TMEM71: variants seen among roughly 807,000 people sequenced by gnomAD.
TMEM71 encodes transmembrane protein 71.
TMEM71 carries 44 observed loss-of-function variants against 38.0 expected under a neutral mutation model. The ratio of observed to expected loss-of-function variants is 1.16; its 90% CI spans 0.91 to 1.49. The LOEUF is 1.49. TMEM71 is among the 40% of genes most tolerant of loss of function. The pLI, the probability that TMEM71 is intolerant of heterozygous loss-of-function variation, is 0.00. For synonymous variants in TMEM71, 133 were observed against 122.5 expected (o/e 1.09, Z -0.56); for missense variants, 367 against 348.6 (o/e 1.05, Z -0.42).
At chr8:132,711,390 C>A (rs941190515) in intron 9 of TMEM71, among the ~76,000 whole-genome samples, 1 of 152,092 alleles carries the variant, frequency 6.6e-6, no homozygotes, top group Non-Finnish European at 1.5e-5. Flanking sequence ...AAGAAAATGG[C>A]TCAAAAGAAT....
chr8:132,768,139 C>T, the TMEM71 span, among the ~76,000 whole-genome samples: 1 of 152,152 alleles, frequency 6.6e-6, no homozygotes, highest in African/African-American at 2.4e-5. Context: ...ACCTCAATTT[C>T]CTTGTAATAA....
intron 5 of TMEM71, among the ~76,000 whole-genome samples, chr8:132,743,194 A>AG (rs55932349): frequency 1 from 152,233 of 152,234 alleles, 76,116 homozygotes; most frequent in Non-Finnish European, 1. Flanking sequence ...GGGGAAGAAG[A>AG]GCCGCAGGGA....
chr8:132,716,165 C>T (rs1431135321), intron 7 of TMEM71, among the ~76,000 whole-genome samples: 3 of 152,240 alleles, frequency 2.0e-5, no homozygotes, highest in Non-Finnish European at 2.9e-5. Context: ...GGAAGCCCCC[C>T]TGTGCCTGCA....
At chr8:132,715,692 A>G (rs944532525) in intron 7 of TMEM71, among the ~76,000 whole-genome samples, 2 of 152,186 alleles carry the variant, frequency 1.3e-5, no homozygotes, top group Non-Finnish European at 1.5e-5. Context: ...ACACCCTTCA[A>G]TAGGTGAATG....
At chr8:132,748,203 A>G (rs907457963) in intron 4 of TMEM71, among the ~76,000 whole-genome samples, 2 of 152,248 alleles carry the variant, frequency 1.3e-5, no homozygotes, top group Non-Finnish European at 2.9e-5. Flanking sequence ...TATAGCTGCT[A>G]TCAGAAGATG....
At chr8:132,766,686 G>T in the TMEM71 span, among the ~76,000 whole-genome samples, 1 of 151,738 alleles carries the variant, frequency 6.6e-6, no homozygotes, top group Non-Finnish European at 1.5e-5. Flanking sequence ...AACTACTCAG[G>T]AGGCTGAGGC....
chr8:132,716,572 A>T (rs1826546731), intron 7 of TMEM71, among the ~76,000 whole-genome samples: 1 of 152,204 alleles, frequency 6.6e-6, no homozygotes, highest in African/African-American at 2.4e-5. Flanking sequence ...TAATCTAGAG[A>T]TGATTTAAAC....
In TMEM71 at chr8:132,746,985, C is replaced by T. The variant is rs1828426800; in HGVS notation, c.444G>A (p.Leu148=). ...INSSPSEDNW[L]KGTRRLDTDH... ...CTGTGTCCAACCTCCTGGTCCCCTT[C>T]AACCAGTTGTCTTCACTTGGAGAAG... The change falls in exon 5 of 10, where the codon TTG becomes TTA. Residue 148 remains leucine (L), a synonymous_variant. Coordinates refer to ENST00000677595, the MANE Select transcript of TMEM71 (RefSeq NM_001382403.1). The T allele has an allele frequency of 8.7e-6, 14 of 1,613,164 alleles. No individual in the cohort carries two copies. Among genetic ancestry groups the T allele is most frequent in the Non-Finnish European group, 1.2e-5 (14 of 1,179,712 alleles).
chr8:132,764,566 C>A (rs951617009), upstream of TMEM71, among the ~76,000 whole-genome samples: 1 of 152,204 alleles, frequency 6.6e-6, no homozygotes, highest in African/African-American at 2.4e-5. Flanking sequence ...CCTCAACAGG[C>A]CCCATCTGTC....
At chr8:132,748,293 A>G (rs1828504318) in intron 4 of TMEM71, among the ~76,000 whole-genome samples, 1 of 152,222 alleles carries the variant, frequency 6.6e-6, no homozygotes, top group South Asian at 2.1e-4. Flanking sequence ...ATGGTTCTCA[A>G]CCAGGTTGAT....
At position 132,710,868 on chromosome 8, in the gene TMEM71, C is replaced by G. The variant is rs763159367; in HGVS notation, c.*99G>C. The G allele has an allele frequency of 5.4e-6, 6 of 1,118,144 alleles. No individual in the cohort carries two copies. The South Asian group carries it at 7.6e-5, about 14-fold the overall frequency. The allele number at this position is 1,118,144 out of a possible 1,614,324, so 69.3% of individuals were successfully genotyped here. On this transcript the variant is annotated 3_prime_UTR_variant, in exon 10 of 10. Coordinates refer to ENST00000677595, the MANE Select transcript of TMEM71 (RefSeq NM_001382403.1). ...GCTTTTTCTCCATTACTCGCTTACTCCCTTCCAATAAAACACTTGATTCCA... is the reference window on the plus strand; with the variant it reads ...GCTTTTTCTCCATTACTCGCTTACTGCCTTCCAATAAAACACTTGATTCCA...
the TMEM71 span, among the ~76,000 whole-genome samples, chr8:132,771,814 C>T: frequency 1.6e-4 from 25 of 152,254 alleles, no homozygotes; most frequent in South Asian, 3.9e-3. Context: ...GATGACATCT[C>T]TGCCAATTCA....
intron 5 of TMEM71, among the ~76,000 whole-genome samples, chr8:132,734,574 T>C (rs1827641253): frequency 6.6e-6 from 1 of 152,090 alleles, no homozygotes; most frequent in Non-Finnish European, 1.5e-5. Flanking sequence ...ATATGTAGAA[T>C]ACTGGAAATT....
At chr8:132,744,805 C>T (rs938802597) in intron 5 of TMEM71, among the ~76,000 whole-genome samples, 9 of 152,144 alleles carry the variant, frequency 5.9e-5, no homozygotes, top group Admixed American at 2.6e-4. Flanking sequence ...GTAACCAAAA[C>T]AGCATGGTAC....
chr8:132,712,981 G>T (rs984794541), intron 9 of TMEM71, among the ~76,000 whole-genome samples: 2 of 151,968 alleles, frequency 1.3e-5, no homozygotes, highest in African/African-American at 2.4e-5. Flanking sequence ...CTCCCCAGTA[G>T]CTGCAACTGC....
the TMEM71 span, among the ~76,000 whole-genome samples, chr8:132,769,441 G>T: frequency 6.6e-6 from 1 of 152,178 alleles, no homozygotes; most frequent in Non-Finnish European, 1.5e-5. Context: ...ACATCACCCA[G>T]TCTCTAGCAT....
Position 132,710,771 on chromosome 8 carries a change from T to C in TMEM71, c.*196A>G, listed in dbSNP as rs954795855. On this transcript the variant is annotated 3_prime_UTR_variant, in exon 10 of 10. Transcript: ENST00000677595. ...GCAAAGGGAAGGCAAATTAATATTATTTTCATGAGCATATTATAATTTTGA... is the reference window on the plus strand; with the variant it reads ...GCAAAGGGAAGGCAAATTAATATTACTTTCATGAGCATATTATAATTTTGA... The C allele has an allele frequency of 5.0e-6, 3 of 603,718 alleles. No homozygotes were observed. Among genetic ancestry groups the C allele is most frequent in the Admixed American group, 3.3e-5 (1 of 30,534 alleles). 37.4% of individuals were successfully genotyped at this position (603,718 alleles called of 1,614,324 possible).
the TMEM71 span, among the ~76,000 whole-genome samples, chr8:132,773,202 A>T: frequency 6.6e-6 from 1 of 152,144 alleles, no homozygotes; most frequent in African/African-American, 2.4e-5. Context: ...GTCCCTTCCC[A>T]CTAAATAGTA....
chr8:132,706,784 C>A (rs1295912049), downstream of TMEM71, among the ~76,000 whole-genome samples: 2 of 152,072 alleles, frequency 1.3e-5, no homozygotes, highest in African/African-American at 4.8e-5. Context: ...GATATATTCC[C>A]AATAAAGAAG....
Sources: allele counts gnomAD v4.1 joint callset (sites outside exome capture counted in the v4.1 genomes callset), GRCh38; gene constraint gnomAD v4.1.1; transcripts MANE v1.5; gene names NCBI Gene and HGNC (gene_info 2026-07-23, HGNC 2026-07-21).